Variants in PTDSS1 observed in about 807,000 individuals in gnomAD.
PTDSS1 encodes PSS-1.
In PTDSS1, 45 loss-of-function variants were observed where a neutral mutation model predicts 70.5. The observed-to-expected ratio is 0.64, with a 90% CI of 0.50 to 0.82. The LOEUF is 0.82. Among genes scored for constraint, PTDSS1 ranks in the 40% least tolerant of loss-of-function variants. The pLI, the probability that PTDSS1 is intolerant of heterozygous loss-of-function variation, is 0.00. For synonymous variants in PTDSS1, 188 were observed against 203.8 expected, an observed-to-expected ratio of 0.92 and a Z score of 0.66; for missense variants, 417 against 586.1, an observed-to-expected ratio of 0.71 and a Z score of 2.98.
rs1184370981 is a variant in PTDSS1 at position 96,333,453 on chromosome 8, C to A, written c.1313-4C>A. 1 of 1,609,896 alleles carries A rather than the reference C, an allele frequency of 6.2e-7. No individual in the cohort carries two copies. The highest frequency in any genetic ancestry group is 1.7e-5 in the Admixed American group (1 of 60,012). On this transcript the variant is annotated splice_polypyrimidine_tract_variant and splice_region_variant and intron_variant, in intron 12 of 12. Coordinates refer to ENST00000517309, the MANE Select transcript of PTDSS1 (RefSeq NM_014754.3). ...TGACGGTGTGCTCTGATTCCTTTGG[C>A]CAGGTTCTGAAGACAGCCCACCCAA... is the stretch of plus-strand genomic sequence containing the variant.
intron 5 of PTDSS1, among the ~76,000 whole-genome samples, chr8:96,297,967 C>T (rs1810998261): frequency 6.6e-6 from 1 of 152,210 alleles, no homozygotes; most frequent in Non-Finnish European, 1.5e-5. Context: ...ATCGGGGGCC[C>T]ATCTCACCCC....
At chr8:96,276,223 C>T (rs973716599) in intron 2 of PTDSS1, among the ~76,000 whole-genome samples, 23 of 152,192 alleles carry the variant, frequency 1.5e-4, no homozygotes, top group Admixed American at 1.2e-3. Context: ...AAGTCTTTAG[C>T]GGGAGCTGAG....
chr8:96,304,317 A>G, intron 7 of PTDSS1, 136 bp downstream of exon 7: 1 of 1,068,496 alleles, frequency 9.4e-7, no homozygotes, highest in Non-Finnish European at 1.3e-6. Flanking sequence ...TGCAGCTGGC[A>G]TGTAGAATAA....
Position 96,331,049 on chromosome 8 carries a change from C to T in PTDSS1, c.1266C>T (p.Gly422=). The change falls in exon 12 of 13, where the codon GGC becomes GGT. Residue 422 remains glycine, a synonymous_variant. Transcript: ENST00000517309. ...REKTYSECED[G]TYSPEISWHH... is the part of the protein sequence containing the mutation. ...AGACCTACTCGGAGTGTGAAGATGG[C>T]ACCTACAGTCCAGAGATCTCCTGGC... The T allele has an allele frequency of 6.2e-7, 1 of 1,613,560 alleles. No individual in the cohort carries two copies. The highest frequency in any genetic ancestry group is 8.5e-7 in the Non-Finnish European group (1 of 1,179,476).
intron 4 of PTDSS1, among the ~76,000 whole-genome samples, chr8:96,291,303 AAG>A (rs1441097420): frequency 6.6e-6 from 1 of 152,210 alleles, no homozygotes; most frequent in African/African-American, 2.4e-5. Context: ...AAACCTATGC[AAG>A]AGTAGAGAGA....
chr8:96,301,245 G>A (rs964397181), intron 6 of PTDSS1, among the ~76,000 whole-genome samples: 9 of 151,620 alleles, frequency 5.9e-5, no homozygotes, highest in East Asian at 2.0e-4. Context: ...CTTCAGGCGC[G>A]TGCCACCACG....
Position 96,304,088 on chromosome 8 carries a change from C to T in PTDSS1, c.801C>T (p.Phe267=). 5 of 1,613,560 alleles carry T rather than the reference C, an allele frequency of 3.1e-6. No homozygotes were observed. Among genetic ancestry groups the T allele is most frequent in the Non-Finnish European group, 4.2e-6 (5 of 1,179,650 alleles). Residue 267 remains phenylalanine, a synonymous_variant, in exon 7 of 13, where the codon TTC becomes TTT. Transcript: ENST00000517309. The stretch of plus-strand genomic sequence containing the variant: ...AGATCAAGAGAGCTGTTCTGCAGTT[C>T]ACTCCTGCTAGCTGGACCTATGTTC... ...TGKIKRAVLQ[F]TPASWTYVRW...
intron 1 of PTDSS1, among the ~76,000 whole-genome samples, chr8:96,263,125 C>T (rs1586177721): frequency 6.6e-6 from 1 of 152,244 alleles, no homozygotes; most frequent in East Asian, 1.9e-4. Context: ...TCTCTTATTC[C>T]CTGGAAAACA....
chr8:96,311,942 C>T (rs1811217912), intron 9 of PTDSS1, among the ~76,000 whole-genome samples: 1 of 152,190 alleles, frequency 6.6e-6, no homozygotes, highest in Non-Finnish European at 1.5e-5. Flanking sequence ...GCTCTTCTGT[C>T]CCACTCACAC....
At chr8:96,298,125 G>T (rs1335432207) in intron 5 of PTDSS1, among the ~76,000 whole-genome samples, 1 of 152,110 alleles carries the variant, frequency 6.6e-6, no homozygotes, top group South Asian at 2.1e-4. Context: ...AAGAGTTAAG[G>T]CTCCATCTCG....
chr8:96,289,212 C>T (rs1810868224), intron 4 of PTDSS1, among the ~76,000 whole-genome samples: 1 of 152,188 alleles, frequency 6.6e-6, no homozygotes, highest in Non-Finnish European at 1.5e-5. Context: ...AGGTGTGAGC[C>T]ACTGCACCCA....
intron 4 of PTDSS1, among the ~76,000 whole-genome samples, chr8:96,291,441 G>A (rs1481334870): frequency 2.0e-5 from 3 of 150,242 alleles, no homozygotes; most frequent in Non-Finnish European, 4.4e-5. Flanking sequence ...ACCTAAAATA[G>A]ATGGGCTTTT....
At position 96,286,948 on chromosome 8, in the gene PTDSS1, C is replaced by T. The variant is rs115600667; in HGVS notation, c.317-74C>T. Reference sequence around the variant, plus strand: ...AGTGTCTGGTTTTGGCAATGCCATTCGAGTCTAATGTGTATTGTGTGTGTC... The same window carrying T: ...AGTGTCTGGTTTTGGCAATGCCATTTGAGTCTAATGTGTATTGTGTGTGTC... On this transcript the variant is annotated intron_variant, in intron 3 of 12. Coordinates refer to ENST00000517309, the MANE Select transcript of PTDSS1 (RefSeq NM_014754.3). 158 of 1,560,262 alleles carry T rather than the reference C, an allele frequency of 1.0e-4. No individual in the cohort carries two copies. In the African/African-American group the frequency reaches 1.9e-3, roughly 18 times the overall value.
intron 5 of PTDSS1, 55 bp downstream of exon 5, chr8:96,295,311 T>C: frequency 6.6e-7 from 1 of 1,506,940 alleles, no homozygotes. Context: ...GTAGTTTATA[T>C]ATAGGAAAAA....
At chr8:96,309,378 A>C (rs749480230) in intron 8 of PTDSS1, 179 bp from the exon 9 acceptor site, 34 of 506,022 alleles carry the variant, frequency 6.7e-5, no homozygotes, top group Non-Finnish European at 1.1e-4. Context: ...CCAAACGCTG[A>C]ATCTCTTACA....
chr8:96,294,717 A>G (rs1810951175), intron 4 of PTDSS1, among the ~76,000 whole-genome samples: 1 of 152,194 alleles, frequency 6.6e-6, no homozygotes, highest in Non-Finnish European at 1.5e-5. Flanking sequence ...ATACTTAGAA[A>G]TGTGTGTTTA....
At chr8:96,304,379 G>C (rs781073116) in intron 7 of PTDSS1, among the ~76,000 whole-genome samples, 198 bp downstream of exon 7, 2 of 152,160 alleles carry the variant, frequency 1.3e-5, no homozygotes, top group Non-Finnish European at 2.9e-5. Flanking sequence ...TTTGAAGACA[G>C]TTTTAAAATA....
intron 11 of PTDSS1, 184 bp downstream of exon 11, chr8:96,330,465 G>GA (rs1319082360): frequency 3.3e-6 from 2 of 613,222 alleles, no homozygotes; most frequent in Non-Finnish European, 5.7e-6. Flanking sequence ...CCCTGCTTGT[G>GA]ACGGCTCTGT....
chr8:96,330,448 T>C, intron 11 of PTDSS1, 167 bp downstream of exon 11: 1 of 645,102 alleles, frequency 1.6e-6, no homozygotes, highest in Non-Finnish European at 2.7e-6. Flanking sequence ...TCCCTAGCCA[T>C]TGCTGGCCCT....
Sources: allele counts gnomAD v4.1 joint callset (sites outside exome capture counted in the v4.1 genomes callset), GRCh38; gene constraint gnomAD v4.1.1; transcripts MANE v1.5; gene names NCBI Gene and HGNC (gene_info 2026-07-23, HGNC 2026-07-21).